Variants in FREM2 observed in about 807,000 individuals in gnomAD.
FREM2 encodes FRAS1 related extracellular matrix 2.
Under a neutral mutation model 219.9 loss-of-function variants are expected in FREM2, and 119 were observed. The observed-to-expected ratio is 0.54, with a 90% CI of 0.47 to 0.63. The LOEUF is 0.63. Among genes scored for constraint, FREM2 ranks in the 30% least tolerant of loss-of-function variants. The probability of loss-of-function intolerance (pLI) is 0.00; values close to 1 mark genes in which losing one functional copy is unlikely to be tolerated. For missense variants in FREM2, 4,030 were observed against 3,993.6 expected (o/e 1.01, Z -0.25); for synonymous variants, 1,562 against 1,522.8 (o/e 1.03, Z -0.60).
chr13:38,837,797 C>CTTTTTTTTTTTTTTTTTTT (rs1324884346), intron 6 of FREM2, among the ~76,000 whole-genome samples: 11 of 123,724 alleles, frequency 8.9e-5, no homozygotes, highest in Admixed American at 3.7e-4. Flanking sequence ...TTTGTTTTTG[C>CTTTTTTTTTTTTTTTTTTT]TTTCCATTTG....
At chr13:38,839,552 C>T (rs1026456698) in intron 6 of FREM2, among the ~76,000 whole-genome samples, 1 of 152,196 alleles carries the variant, frequency 6.6e-6, no homozygotes, top group African/African-American at 2.4e-5. Flanking sequence ...TCTGCTGAAG[C>T]TGTGCCCACA....
intron 6 of FREM2, among the ~76,000 whole-genome samples, chr13:38,808,433 A>G (rs1445654014): frequency 1.3e-5 from 2 of 151,940 alleles, no homozygotes; most frequent in South Asian, 2.1e-4. Flanking sequence ...TCAGTTTTTG[A>G]CATACCTTCC....
rs771108561 is a variant in FREM2 at position 38,783,149 on chromosome 13, C to T, written c.5721C>T (p.Ser1907=). Residue 1907 remains serine (S), a synonymous_variant, in exon 5 of 24, where the codon AGC becomes AGT. Transcript: ENST00000280481. The part of the protein sequence containing the change: ...VGELFIPIRR[S]GDVSQELMVV... Reference sequence around the variant, plus strand: ...AGCTGTTCATTCCCATCAGGAGGAGCGGAGATGTGAGCCAGGAGTTGATGG... The same window carrying T: ...AGCTGTTCATTCCCATCAGGAGGAGTGGAGATGTGAGCCAGGAGTTGATGG... The T allele has an allele frequency of 1.3e-5, 21 of 1,613,886 alleles. No homozygotes were observed. Among genetic ancestry groups the T allele is most frequent in the Middle Eastern group, 1.7e-4 (1 of 6,054 alleles).
intron 6 of FREM2, among the ~76,000 whole-genome samples, chr13:38,836,701 A>G (rs562445873): frequency 1.3e-4 from 20 of 152,090 alleles, no homozygotes; most frequent in Admixed American, 2.6e-4. Context: ...GAATTTATCA[A>G]TTTCTCCTAG....
In FREM2 at chr13:38,690,316, A is replaced by T. The variant is rs559654259; in HGVS notation, c.2972A>T (p.Tyr991Phe). ...TTCCTCTTGGAAGATCCACCTTTGT[A>T]TGGGGAAATCTTGGTCAATGGCATT... ...LTFLLEDPPL[Y>F]GEILVNGIPA... Residue 991 changes from tyrosine to phenylalanine, a missense_variant, in exon 1 of 24, where the codon TAT becomes TTT. Tyr to Phe is a conservative substitution (Grantham distance 22). This residue lies in a region of FREM2 where 3,102 missense variants were observed against 2,950.7 expected (regional missense o/e 1.05). Transcript: ENST00000280481. 2 of 1,614,196 alleles carry T rather than the reference A, an allele frequency of 1.2e-6. No individual in the cohort carries two copies. Among genetic ancestry groups the T allele is most frequent in the East Asian group, 2.2e-5 (1 of 44,880 alleles).
At chr13:38,816,640 T>C (rs1875779336) in intron 6 of FREM2, among the ~76,000 whole-genome samples, 1 of 150,790 alleles carries the variant, frequency 6.6e-6, no homozygotes, top group Non-Finnish European at 1.5e-5. Context: ...GGAAAAATTG[T>C]AAGCTTTTCC....
At chr13:38,818,729 G>A (rs572717799) in intron 6 of FREM2, among the ~76,000 whole-genome samples, 32 of 152,126 alleles carry the variant, frequency 2.1e-4, no homozygotes, top group African/African-American at 7.7e-4. Context: ...TTGGGAGGTT[G>A]AGGCAGGTGG....
In FREM2 at chr13:38,864,149, A is replaced by G. The variant is rs147795124; in HGVS notation, c.7652-126A>G. Reference sequence around the variant, plus strand: ...GGGCCTGGACACCACTTTGATCTGTATGCCATACACCACTGCTGTATGGCA... The same window carrying G: ...GGGCCTGGACACCACTTTGATCTGTGTGCCATACACCACTGCTGTATGGCA... On this transcript the variant is annotated intron_variant, in intron 15 of 23. Transcript: ENST00000280481. 4.8e-5 allele frequency: 36 copies of G among 751,414 alleles called. No individual in the cohort carries two copies. In the Admixed American group the frequency reaches 7.3e-4, roughly 15 times the overall value. 46.5% of individuals were successfully genotyped at this position (751,414 alleles called of 1,614,324 possible).
At position 38,823,652 on chromosome 13, in the gene FREM2, C is replaced by T. The variant is rs569080677; in HGVS notation, c.6020-22921C>T. On this transcript the variant is annotated intron_variant, in intron 6 of 23. Coordinates refer to ENST00000280481, the MANE Select transcript of FREM2 (RefSeq NM_207361.6). ...AGCTGGCTAACTCATATTAATGCCT[C>T]AAAATTCAGCTGCCAATAATTAAAA... 2.6e-5 allele frequency among the ~76,000 whole-genome samples: 4 copies of T among 152,124 alleles called. No homozygotes were observed. In the South Asian group the frequency reaches 6.2e-4, roughly 24 times the overall value.
intron 6 of FREM2, among the ~76,000 whole-genome samples, chr13:38,805,411 A>G (rs564708500): frequency 6.6e-6 from 1 of 152,090 alleles, no homozygotes; most frequent in Non-Finnish European, 1.5e-5. Context: ...ATAGGAGGTT[A>G]GGAGAAGGAA....
In FREM2 at chr13:38,691,071, A is replaced by C; in HGVS notation, c.3727A>C (p.Ile1243Leu). The change falls in exon 1 of 24, where the codon ATA becomes CTA. Residue 1243 changes from isoleucine (I) to leucine (L), a missense_variant. Ile to Leu is a conservative substitution (Grantham distance 5, BLOSUM62 2). Coordinates refer to ENST00000280481, the MANE Select transcript of FREM2 (RefSeq NM_207361.6). ...PTHGHIMNQL[I>L]NGTVLVESFT... ...TCATGGTCACATCATGAATCAGCTG[A>C]TAAATGGCACGGTTTTGGTCGAAAG... is the stretch of plus-strand genomic sequence containing the variant. 6.2e-7 allele frequency: 1 copy of C among 1,614,202 alleles called. No individual in the cohort carries two copies. Among genetic ancestry groups the C allele is most frequent in the Non-Finnish European group, 8.5e-7 (1 of 1,180,038 alleles).
At chr13:38,791,642 A>T (rs1025218933) in intron 6 of FREM2, among the ~76,000 whole-genome samples, 4 of 152,064 alleles carry the variant, frequency 2.6e-5, no homozygotes, top group Admixed American at 2.6e-4. Context: ...AGCTCTGAGA[A>T]CTCACTCACT....
chr13:38,744,772 G>A lies in FREM2; in HGVS notation c.5264-19532G>A, dbSNP rs570096875. On this transcript the variant is annotated intron_variant, in intron 2 of 23. Coordinates refer to ENST00000280481, the MANE Select transcript of FREM2 (RefSeq NM_207361.6). ...CTCCCAAAGTGCTGGGATTACAGGC[G>A]TAAGCCACTACGCCCAGCCAGCTCC... is the stretch of plus-strand genomic sequence containing the variant. Among the ~76,000 whole-genome samples the A allele has an allele frequency of 5.3e-5, 8 of 152,284 alleles. No homozygotes were observed. The East Asian group carries it at 7.7e-4, about 15-fold the overall frequency.
At chr13:38,764,973 T>C (rs1244881858) in intron 3 of FREM2, among the ~76,000 whole-genome samples, 2 of 152,178 alleles carry the variant, frequency 1.3e-5, no homozygotes, top group African/African-American at 2.4e-5. Context: ...TGCAGTGGCG[T>C]GATCTCAGCT....
chr13:38,794,732 G>A (rs537361370), intron 6 of FREM2, among the ~76,000 whole-genome samples: 29 of 152,012 alleles, frequency 1.9e-4, no homozygotes, highest in Admixed American at 6.6e-4. Context: ...AACATTGCTA[G>A]CTATACAGTA....
intron 2 of FREM2, among the ~76,000 whole-genome samples, chr13:38,703,011 T>C (rs1432467219): frequency 6.6e-6 from 1 of 152,158 alleles, no homozygotes; most frequent in East Asian, 1.9e-4. Context: ...AGCTGCAAAG[T>C]CATTTCTGTA....
At chr13:38,741,757 T>C (rs1245797187) in intron 2 of FREM2, among the ~76,000 whole-genome samples, 1 of 152,188 alleles carries the variant, frequency 6.6e-6, no homozygotes, top group Non-Finnish European at 1.5e-5. Flanking sequence ...AATCGTTATG[T>C]ATCTGTGGCT....
At chr13:38,721,113 A>G (rs1247781678) in intron 2 of FREM2, among the ~76,000 whole-genome samples, 3 of 152,300 alleles carry the variant, frequency 2.0e-5, no homozygotes, top group African/African-American at 7.2e-5. Flanking sequence ...ACAAGTTTAC[A>G]TATGTAACAA....
At chr13:38,843,172 G>T (rs938919428) in intron 6 of FREM2, among the ~76,000 whole-genome samples, 3 of 152,110 alleles carry the variant, frequency 2.0e-5, no homozygotes, top group Non-Finnish European at 4.4e-5. Context: ...CTGTTTTATG[G>T]TCTTAGTTGG....
Sources: gnomAD v4.1 joint callset for allele counts (sites outside exome capture counted in the v4.1 genomes callset) on GRCh38, gnomAD v4.1.1 for gene constraint, gnomAD v4.1.1 regional missense constraint, MANE v1.5 for transcripts, NCBI Gene and HGNC (gene_info 2026-07-23, HGNC 2026-07-21) for gene names.